The following SDC2 variants were observed in gnomAD, a reference collection of about 807,000 sequenced individuals.
The protein encoded by SDC2 is syndecan 2.
A neutral mutation model predicts 22.2 loss-of-function variants in SDC2; 13 were observed. The ratio of observed to expected loss-of-function variants is 0.59; its 90% CI spans 0.38 to 0.93. The LOEUF (loss-of-function observed/expected upper bound fraction) is 0.93, where lower values mean the gene tolerates loss of function less well. SDC2 is among the 40% of genes least tolerant of loss of function. The probability of loss-of-function intolerance (pLI) is 0.00; values close to 1 mark genes in which losing one functional copy is unlikely to be tolerated. For synonymous variants in SDC2, 94 were observed against 92.8 expected (o/e 1.01, Z -0.07); for missense variants, 235 against 246.8 (o/e 0.95, Z 0.32).
At chr8:96,558,004 G>C (rs1414742354) in intron 1 of SDC2, among the ~76,000 whole-genome samples, 1 of 151,838 alleles carries the variant, frequency 6.6e-6, no homozygotes, top group Admixed American at 6.6e-5. Context: ...CTACATTTAG[G>C]GTACTTTGTA....
At chr8:96,515,490 G>A (rs1470673178) in intron 1 of SDC2, among the ~76,000 whole-genome samples, 1 of 152,176 alleles carries the variant, frequency 6.6e-6, no homozygotes, top group Non-Finnish European at 1.5e-5. Context: ...TCTTGATATG[G>A]GAAATAGAAG....
chr8:96,531,404 T>C (rs1211396929), intron 1 of SDC2, among the ~76,000 whole-genome samples: 1 of 152,190 alleles, frequency 6.6e-6, no homozygotes, highest in Non-Finnish European at 1.5e-5. Context: ...ATTATAGATA[T>C]ATCTCTTTTG....
chr8:96,610,711 C>T lies in SDC2; in HGVS notation c.*1163C>T, dbSNP rs1000526048. On this transcript the variant is annotated 3_prime_UTR_variant, in exon 5 of 5. Transcript: ENST00000302190. ...TCTCCCCTTTGCTAACGGCCGTCTGCTCTCAAGGATGACGTGGGTTTGATT... is the reference window on the plus strand; with the variant it reads ...TCTCCCCTTTGCTAACGGCCGTCTGTTCTCAAGGATGACGTGGGTTTGATT... The T allele has an allele frequency of 6.6e-6, 1 of 152,546 alleles. No homozygotes were observed. Among genetic ancestry groups the T allele is most frequent in the African/African-American group, 2.4e-5 (1 of 41,422 alleles). The allele number at this position is 152,546 out of a possible 1,614,324, so 9.4% of individuals were successfully genotyped here.
At chr8:96,580,817 A>T (rs71514925) in intron 1 of SDC2, among the ~76,000 whole-genome samples, 2 of 152,162 alleles carry the variant, frequency 1.3e-5, no homozygotes, top group Non-Finnish European at 2.9e-5. Context: ...ATTTGCAGGA[A>T]TGGGGTACCC....
intron 3 of SDC2, among the ~76,000 whole-genome samples, chr8:96,603,596 G>T (rs1389201697): frequency 1.3e-5 from 2 of 152,156 alleles, no homozygotes; most frequent in Non-Finnish European, 2.9e-5. Context: ...CTTCCTTGGA[G>T]TAAGAATCAT....
intron 1 of SDC2, among the ~76,000 whole-genome samples, chr8:96,542,919 C>A (rs183769080): frequency 6.6e-6 from 1 of 152,200 alleles, no homozygotes; most frequent in Admixed American, 6.5e-5. Context: ...AATATTATTG[C>A]TATCCTTGTT....
At chr8:96,608,822 G>A (rs990748806) in intron 4 of SDC2, among the ~76,000 whole-genome samples, 9 of 152,142 alleles carry the variant, frequency 5.9e-5, no homozygotes, top group African/African-American at 1.4e-4. Context: ...TAAAGAGAAC[G>A]AAAAGTTCTT....
rs190576727 is a variant in SDC2 at position 96,515,503 on chromosome 8, G to A, written c.60+21172G>A. On this transcript the variant is annotated intron_variant, in intron 1 of 4. Coordinates refer to ENST00000302190, the MANE Select transcript of SDC2 (RefSeq NM_002998.4). ...GCTCTTGATATGGGAAATAGAAGTC[G>A]GAGTAGGAGGTAAAGTTCCACTGTA... Among the ~76,000 whole-genome samples, 31 of 152,236 alleles carry A rather than the reference G, an allele frequency of 2.0e-4. No homozygotes were observed. In the East Asian group the frequency reaches 5.8e-3, roughly 28 times the overall value.
chr8:96,607,729 G>A (rs772386880), intron 3 of SDC2, among the ~76,000 whole-genome samples: 7 of 152,144 alleles, frequency 4.6e-5, no homozygotes, highest in Non-Finnish European at 1.0e-4. Context: ...AATCAAGGTG[G>A]AGAAAAGAAG....
At chr8:96,601,502 G>A (rs1040542736) in intron 2 of SDC2, among the ~76,000 whole-genome samples, 68 of 151,724 alleles carry the variant, frequency 4.5e-4, no homozygotes, top group African/African-American at 1.5e-3. Context: ...TTAGCTGGGT[G>A]TCGTAGCATG....
Position 96,570,140 on chromosome 8 carries a change from T to G in SDC2, c.61-23340T>G, listed in dbSNP as rs151127899. Reference sequence around the variant, plus strand: ...CACTATCACTATCCTCTCCATTTTATAGATGATGAGCCTGAGGTGCAGAGA... The same window carrying G: ...CACTATCACTATCCTCTCCATTTTAGAGATGATGAGCCTGAGGTGCAGAGA... On this transcript the variant is annotated intron_variant, in intron 1 of 4. Transcript: ENST00000302190. 3.1e-3 allele frequency among the ~76,000 whole-genome samples: 465 copies of G among 152,316 alleles called. 4 individuals are homozygous for G. Among genetic ancestry groups the G allele is most frequent in the Admixed American group, 8.2e-3 (126 of 15,304 alleles).
intron 1 of SDC2, among the ~76,000 whole-genome samples, chr8:96,515,713 T>A (rs966065914): frequency 3.1e-4 from 47 of 152,192 alleles, no homozygotes; most frequent in African/African-American, 1.1e-3. Flanking sequence ...CAAGTGAATA[T>A]ACTCCAAAAA....
At chr8:96,531,530 CAAAG>C (rs949675123) in intron 1 of SDC2, among the ~76,000 whole-genome samples, 5 of 152,096 alleles carry the variant, frequency 3.3e-5, no homozygotes, top group African/African-American at 1.2e-4. Context: ...TTTATTTACA[CAAAG>C]AATGTACTCA....
chr8:96,594,973 A>G (rs1183154418), intron 2 of SDC2, among the ~76,000 whole-genome samples: 1 of 152,184 alleles, frequency 6.6e-6, no homozygotes, highest in African/African-American at 2.4e-5. Context: ...CTCCCATGAC[A>G]TGTGGGGATT....
At chr8:96,588,789 CTG>C (rs1362319429) in intron 1 of SDC2, among the ~76,000 whole-genome samples, 5 of 152,202 alleles carry the variant, frequency 3.3e-5, no homozygotes, top group African/African-American at 1.2e-4. Flanking sequence ...ATTTTGACCA[CTG>C]TGTTGGTTGC....
At chr8:96,500,339 G>A (rs1813141974) in intron 1 of SDC2, among the ~76,000 whole-genome samples, 1 of 151,964 alleles carries the variant, frequency 6.6e-6, no homozygotes, top group African/African-American at 2.4e-5. Context: ...GGATCTGGGG[G>A]CAGAAAAGGG....
intron 1 of SDC2, among the ~76,000 whole-genome samples, chr8:96,501,702 A>G (rs192817620): frequency 3.9e-5 from 6 of 152,278 alleles, no homozygotes; most frequent in Non-Finnish European, 7.4e-5. Flanking sequence ...GCAAGGTTTT[A>G]TACACATGTA....
At chr8:96,498,470 CTT>C (rs11325616) in intron 1 of SDC2, among the ~76,000 whole-genome samples, 2 of 147,490 alleles carry the variant, frequency 1.4e-5, no homozygotes, top group Non-Finnish European at 3.0e-5. Flanking sequence ...CAGCGCTAAT[CTT>C]TTTTTTTTTT....
At chr8:96,593,757 G>A (rs369529741) in intron 2 of SDC2, among the ~76,000 whole-genome samples, 166 bp downstream of exon 2, 30 of 152,284 alleles carry the variant, frequency 2.0e-4, no homozygotes, top group Non-Finnish European at 3.5e-4. Flanking sequence ...TGCCACTTAC[G>A]CTGTGAGATC....
Sources: gnomAD v4.1 joint callset for allele counts (sites outside exome capture counted in the v4.1 genomes callset) on GRCh38, gnomAD v4.1.1 for gene constraint, MANE v1.5 for transcripts, NCBI Gene and HGNC (gene_info 2026-07-23, HGNC 2026-07-21) for gene names.